The following MCF2L variants were observed in gnomAD, a reference collection of about 807,000 sequenced individuals.
The protein encoded by MCF2L is guanine nucleotide exchange factor DBS.
Under a neutral mutation model 153.4 loss-of-function variants are expected in MCF2L, and 97 were observed. That is an observed-to-expected ratio of 0.63 (90% CI 0.54 to 0.75). The LOEUF (loss-of-function observed/expected upper bound fraction) is 0.75, where lower values mean the gene tolerates loss of function less well. Ranked by LOEUF, MCF2L falls within the 30% of genes least tolerant of loss-of-function variation. The pLI is 0.00. For missense variants in MCF2L, 1,347 were observed against 1,495.2 expected, an observed-to-expected ratio of 0.90 and a Z score of 1.64; for synonymous variants, 659 against 632.2, an observed-to-expected ratio of 1.04 and a Z score of -0.64.
At chr13:112,987,993 G>T (rs1310344318) in intron 1 of MCF2L, among the ~76,000 whole-genome samples, 2 of 152,250 alleles carry the variant, frequency 1.3e-5, no homozygotes, top group Non-Finnish European at 2.9e-5. Flanking sequence ...AAAAGGGCTG[G>T]GCATCAGAAG....
chr13:112,973,349 T>G (rs1199586295), intron 1 of MCF2L, among the ~76,000 whole-genome samples: 1 of 152,196 alleles, frequency 6.6e-6, no homozygotes, highest in Non-Finnish European at 1.5e-5. Context: ...AACATGAAAT[T>G]TAGGTCTCTA....
At position 112,983,750 on chromosome 13, in the gene MCF2L, C is replaced by T. The variant is rs1041935976; in HGVS notation, c.79+14292C>T. ...GCGTGGTGTCTGCAGCCTCCTGGGC[C>T]TTCCCTTCTGCCTGGCTTCCTCCTC... On this transcript the variant is annotated intron_variant, in intron 1 of 29. Coordinates refer to ENST00000535094, the MANE Select transcript of MCF2L (RefSeq NM_001112732.3). This position sits in a 1 kb window ranked among gnomAD's most constrained non-coding sequence, Gnocchi z 4.0. 1.3e-5 allele frequency among the ~76,000 whole-genome samples: 2 copies of T among 152,182 alleles called. No individual in the cohort carries two copies. Among genetic ancestry groups the T allele is most frequent in the East Asian group, 3.9e-4 (2 of 5,186 alleles).
intron 1 of MCF2L, chr13:113,002,021 G>C: frequency 6.6e-7 from 1 of 1,517,354 alleles, no homozygotes; most frequent in Non-Finnish European, 8.8e-7. Context: ...CTCCCCGGAA[G>C]GTGTTGTGGG....
chr13:112,939,277 ACATCTGGG>A (rs1227598457), intron 2 of MCF2L, among the ~76,000 whole-genome samples: 1 of 152,150 alleles, frequency 6.6e-6, no homozygotes, highest in African/African-American at 2.4e-5. Flanking sequence ...CACGTCGTGG[ACATCTGGG>A]GCTGGGTGGC....
In MCF2L at chr13:113,027,976, G is replaced by T. The variant is rs934205038; in HGVS notation, c.278+3218G>T. On this transcript the variant is annotated intron_variant, in intron 3 of 29. Transcript: ENST00000535094. This position sits in a 1 kb window ranked among gnomAD's most constrained non-coding sequence, Gnocchi z 4.8. ...AGGAAGGGCCTGTGTCCCAGGGGAC[G>T]GCCGGCCTGACAGGTACATCCGCCC... Among the ~76,000 whole-genome samples the T allele has an allele frequency of 6.6e-6, 1 of 152,202 alleles. No individual in the cohort carries two copies. The highest frequency in any genetic ancestry group is 6.5e-5 in the Admixed American group (1 of 15,308).
At chr13:113,021,080 GT>G (rs2084856554) in intron 2 of MCF2L, among the ~76,000 whole-genome samples, 1 of 152,026 alleles carries the variant, frequency 6.6e-6, no homozygotes, top group Non-Finnish European at 1.5e-5. Flanking sequence ...AGGTGTGTAT[GT>G]TTGTACATAT....
intron 2 of MCF2L, among the ~76,000 whole-genome samples, chr13:112,903,960 A>G (rs1330856183): frequency 1.3e-5 from 2 of 152,170 alleles, no homozygotes; most frequent in Non-Finnish European, 2.9e-5. Context: ...TAGCGCGTGC[A>G]GACAGCTGGC....
intron 1 of MCF2L, among the ~76,000 whole-genome samples, chr13:112,976,852 A>G (rs1471031691): frequency 1.3e-5 from 2 of 152,198 alleles, no homozygotes; most frequent in African/African-American, 2.4e-5. Context: ...CTGGTCCAGC[A>G]GGGCTGGCGC....
At chr13:112,926,360 G>A (rs572309348) in intron 2 of MCF2L, among the ~76,000 whole-genome samples, 50 of 151,292 alleles carry the variant, frequency 3.3e-4, no homozygotes, top group African/African-American at 6.1e-4. Context: ...AGTGCTGCAC[G>A]GCCTGGTCTA....
intron 3 of MCF2L, among the ~76,000 whole-genome samples, chr13:113,036,483 G>A (rs1187264536): frequency 1.3e-5 from 2 of 152,152 alleles, no homozygotes. Flanking sequence ...CTGCCCACAG[G>A]CAACTGGGCA....
In MCF2L at chr13:113,006,967, G is replaced by A. The variant is rs1403788839; in HGVS notation, c.80-7796G>A. On this transcript the variant is annotated intron_variant, in intron 1 of 29. Coordinates refer to ENST00000535094, the MANE Select transcript of MCF2L (RefSeq NM_001112732.3). Reference sequence around the variant, plus strand: ...AAGCCGGCAGCCAGCCCGGCCCTTGGGGGAGAGGGTGGCAGGGTCAGGGTC... The same window carrying A: ...AAGCCGGCAGCCAGCCCGGCCCTTGAGGGAGAGGGTGGCAGGGTCAGGGTC... Among the ~76,000 whole-genome samples, 10 of 152,310 alleles carry A rather than the reference G, an allele frequency of 6.6e-5. 2 individuals are homozygous for A. In the South Asian group the frequency reaches 2.1e-3, roughly 32 times the overall value.
intron 2 of MCF2L, among the ~76,000 whole-genome samples, chr13:112,946,680 T>C (rs1224902094): frequency 6.6e-6 from 1 of 152,196 alleles, no homozygotes; most frequent in Admixed American, 6.5e-5. Context: ...TTTGAATGAA[T>C]TCAGATACAG....
rs768521064 is a variant in MCF2L at position 113,088,370 on chromosome 13, G to A, written c.2732G>A (p.Arg911Gln). The change falls in exon 24 of 30, where the codon CGG (arginine) becomes CAG (glutamine). Residue 911 changes from arginine to glutamine, a missense_variant. By Grantham distance (43) the Arg-to-Gln change is conservative. Transcript: ENST00000535094. ...AAAGCCGCGTGGGTGAATGAAATTC[G>A]GAAAGTGCTGACCAGCCAGCTGCAG... is the stretch of plus-strand genomic sequence containing the variant. ...EIKAAWVNEI[R>Q]KVLTSQLQAC... The A allele has an allele frequency of 2.0e-5, 33 of 1,613,930 alleles. No homozygotes were observed. The highest frequency in any genetic ancestry group is 1.4e-5 in the Non-Finnish European group (16 of 1,180,050).
Position 113,064,606 on chromosome 13 carries a change from G to A in MCF2L, c.606+186G>A, listed in dbSNP as rs1212735611. 2 of 555,392 alleles carry A rather than the reference G, an allele frequency of 3.6e-6. No homozygotes were observed. The highest frequency in any genetic ancestry group is 3.2e-6 in the Non-Finnish European group (1 of 312,070). 34.4% of individuals were successfully genotyped at this position (555,392 alleles called of 1,614,324 possible). A position where few individuals can be genotyped will look rare whatever the true frequency, so the allele number is the denominator to read the frequency against. ...TGTAAAGAAGTAACGTGAGTCATAA[G>A]TTTGGGAGTGGCTTTCTCTGGGCTT... On this transcript the variant is annotated intron_variant, in intron 6 of 29. Coordinates refer to ENST00000535094, the MANE Select transcript of MCF2L (RefSeq NM_001112732.3). This position sits in a 1 kb window ranked among gnomAD's most constrained non-coding sequence, Gnocchi z 6.0.
At position 113,034,863 on chromosome 13, in the gene MCF2L, C is replaced by T. The variant is rs370226452; in HGVS notation, c.278+10105C>T. Reference sequence around the variant, plus strand: ...CTGCTGTGGCCAAAGAGCCACAGATCGGAGGTGAGGAAGGTCTGCCCGAGG... The same window carrying T: ...CTGCTGTGGCCAAAGAGCCACAGATTGGAGGTGAGGAAGGTCTGCCCGAGG... On this transcript the variant is annotated intron_variant, in intron 3 of 29. Coordinates refer to ENST00000535094, the MANE Select transcript of MCF2L (RefSeq NM_001112732.3). Among the ~76,000 whole-genome samples the T allele has an allele frequency of 4.3e-3, 648 of 152,216 alleles. 3 individuals are homozygous for T. The highest frequency in any genetic ancestry group is 6.4e-3 in the Non-Finnish European group (435 of 68,012).
In MCF2L at chr13:112,902,274, C is replaced by T. The variant is rs767386550; in HGVS notation, c.72C>T (p.Pro24=). The change falls in exon 2 of 30, where the codon CCC becomes CCT. Residue 24 remains proline, a synonymous_variant. Coordinates refer to the MCF2L transcript ENST00000375608. ...ACAGTTATTCTTCCCCACAACGGCC[C>T]AATGAGGCCAAAAAGGAGGAAACGG... The T allele has an allele frequency of 5.0e-6, 8 of 1,612,672 alleles. No homozygotes were observed. In the African/African-American group the frequency reaches 8.0e-5, roughly 16 times the overall value.
intron 1 of MCF2L, among the ~76,000 whole-genome samples, chr13:112,972,282 G>A (rs536147407): frequency 7.7e-5 from 11 of 143,464 alleles, no homozygotes; most frequent in African/African-American, 2.6e-4. Context: ...GATGAATGTA[G>A]GGGTGGATGA....
rs1386132147 is a variant in MCF2L at position 113,028,468 on chromosome 13, G to C, written c.278+3710G>C. Among the ~76,000 whole-genome samples, 2 of 152,182 alleles carry C rather than the reference G, an allele frequency of 1.3e-5. No individual in the cohort carries two copies. Among genetic ancestry groups the C allele is most frequent in the Non-Finnish European group, 2.9e-5 (2 of 68,044 alleles). On this transcript the variant is annotated intron_variant, in intron 3 of 29. Transcript: ENST00000535094. The surrounding 1 kb of genome is among the most constrained non-coding windows in gnomAD (Gnocchi z 5.4). ...ATGGGTCCAGACTCCTGCAGGACAA[G>C]ACCCACTCAGCCACCTCTGTAGATT...
chr13:113,001,653 C>A (rs1263388479), intron 1 of MCF2L: 1 of 1,307,400 alleles, frequency 7.6e-7, no homozygotes, highest in African/African-American at 1.5e-5. Context: ...CAGCTGTCGC[C>A]AGGATCGCAA....
Sources: gnomAD v4.1 joint callset for allele counts (sites outside exome capture counted in the v4.1 genomes callset) on GRCh38, gnomAD v4.1.1 for gene constraint, Gnocchi (gnomAD v3.1) non-coding constraint, MANE v1.5 for transcripts, NCBI Gene and HGNC (gene_info 2026-07-23, HGNC 2026-07-21) for gene names.